Variants in B3GALT1 observed in about 807,000 individuals in gnomAD.
B3GALT1 encodes the protein UDP-Gal:betaGlcNAc beta 1,3-galactosyltransferase, polypeptide 1.
In B3GALT1, 10 loss-of-function variants were observed where a neutral mutation model predicts 23.2. That is an observed-to-expected ratio of 0.43 (90% CI 0.27 to 0.73). B3GALT1 has a LOEUF of 0.73. Among genes scored for constraint, B3GALT1 ranks in the 30% least tolerant of loss-of-function variants. B3GALT1 has a pLI of 0.21. For missense variants in B3GALT1, 299 were observed against 405.4 expected, an observed-to-expected ratio of 0.74 and a Z score of 2.25; for synonymous variants, 156 against 141.5, an observed-to-expected ratio of 1.10 and a Z score of -0.73.
intron 3 of B3GALT1, among the ~76,000 whole-genome samples, chr2:167,707,641 G>C (rs573080392): frequency 2.0e-5 from 3 of 151,920 alleles, no homozygotes; most frequent in African/African-American, 7.2e-5. Context: ...CACTTTGAAG[G>C]CTCCTTGTGA....
Position 167,716,007 on chromosome 2 carries a change from C to T in B3GALT1, c.-352+69041C>T, listed in dbSNP as rs1357023134. On this transcript the variant is annotated intron_variant, in intron 3 of 4. Coordinates refer to ENST00000392690, the MANE Select transcript of B3GALT1 (RefSeq NM_020981.4). ...CTCAGGTAGTGCTGCCACAATTCTG[C>T]GTAGCTCCTCCAGGACCAGCCCCAA... is the stretch of plus-strand genomic sequence containing the variant. 6.2e-6 allele frequency: 10 copies of T among 1,611,288 alleles called. No homozygotes were observed. In the African/African-American group the frequency reaches 6.7e-5, roughly 11 times the overall value.
At chr2:167,809,449 C>T (rs1688831877) in intron 3 of B3GALT1, among the ~76,000 whole-genome samples, 1 of 152,268 alleles carries the variant, frequency 6.6e-6, no homozygotes, top group South Asian at 2.1e-4. Context: ...TGGTGACGTA[C>T]AGATGGGGTT....
At chr2:167,774,485 G>GTTTTGTTTTTTGTTTT (rs1688125273) in intron 3 of B3GALT1, among the ~76,000 whole-genome samples, 2 of 105,220 alleles carry the variant, frequency 1.9e-5, no homozygotes, top group South Asian at 3.2e-4. Context: ...TTTTTTTTTT[G>GTTTTGTTTTTTGTTTT]TTTTTTTTTT....
intron 2 of B3GALT1, among the ~76,000 whole-genome samples, chr2:167,565,673 C>G (rs1053217425): frequency 6.6e-6 from 1 of 152,056 alleles, no homozygotes; most frequent in Admixed American, 6.6e-5. Flanking sequence ...AAAAAACAAC[C>G]CCATCAAAAA....
At chr2:167,676,460 C>T (rs1353321406) in intron 3 of B3GALT1, among the ~76,000 whole-genome samples, 2 of 151,138 alleles carry the variant, frequency 1.3e-5, no homozygotes, top group South Asian at 4.2e-4. Flanking sequence ...CAACTCTTCC[C>T]ATCTAACCTT....
intron 3 of B3GALT1, among the ~76,000 whole-genome samples, chr2:167,654,581 C>T (rs1341004010): frequency 6.6e-6 from 1 of 152,060 alleles, no homozygotes; most frequent in African/African-American, 2.4e-5. Context: ...CTCACTGCAG[C>T]CTTCTGGGCT....
chr2:167,444,303 A>C (rs1171032797), intron 1 of B3GALT1, among the ~76,000 whole-genome samples: 1 of 152,212 alleles, frequency 6.6e-6, no homozygotes, highest in Non-Finnish European at 1.5e-5. Context: ...ATTGATGGTC[A>C]TCAGGGATAT....
At chr2:167,683,187 A>C (rs996934724) in intron 3 of B3GALT1, among the ~76,000 whole-genome samples, 6 of 152,220 alleles carry the variant, frequency 3.9e-5, no homozygotes, top group Non-Finnish European at 8.8e-5. Flanking sequence ...ATTTATGATC[A>C]TTTGTGACAG....
At chr2:167,446,808 C>T (rs576266939) in intron 1 of B3GALT1, among the ~76,000 whole-genome samples, 8 of 152,232 alleles carry the variant, frequency 5.3e-5, no homozygotes, top group Non-Finnish European at 1.2e-4. Context: ...TGGGTTCGAA[C>T]ATCCTCCTTT....
chr2:167,330,081 T>C (rs1409999105), intron 1 of B3GALT1, among the ~76,000 whole-genome samples: 1 of 152,140 alleles, frequency 6.6e-6, no homozygotes, highest in African/African-American at 2.4e-5. Context: ...TTGGGAAGTT[T>C]TCATCCATTA....
intron 2 of B3GALT1, among the ~76,000 whole-genome samples, chr2:167,520,329 A>C (rs1433886352): frequency 1.3e-5 from 2 of 152,092 alleles, no homozygotes; most frequent in Non-Finnish European, 2.9e-5. Flanking sequence ...AGATTAGGAA[A>C]CAAAAAGAAT....
chr2:167,375,542 A>G (rs1242524298), intron 1 of B3GALT1, among the ~76,000 whole-genome samples: 1 of 152,036 alleles, frequency 6.6e-6, no homozygotes, highest in Non-Finnish European at 1.5e-5. Context: ...TTCTCCTTGT[A>G]GAGATCTATC....
intron 3 of B3GALT1, among the ~76,000 whole-genome samples, chr2:167,800,209 C>T (rs1688615433): frequency 1.3e-5 from 2 of 152,254 alleles, no homozygotes; most frequent in Non-Finnish European, 2.9e-5. Flanking sequence ...ATTTCGTGGA[C>T]ATAAAATCAT....
At chr2:167,741,304 C>CA (rs1476059716) in intron 3 of B3GALT1, among the ~76,000 whole-genome samples, 1 of 152,154 alleles carries the variant, frequency 6.6e-6, no homozygotes, top group Non-Finnish European at 1.5e-5. Flanking sequence ...GGTTACTTAT[C>CA]ACTGAGCACA....
intron 1 of B3GALT1, among the ~76,000 whole-genome samples, chr2:167,363,146 C>T (rs989520763): frequency 5.9e-5 from 9 of 151,796 alleles, no homozygotes; most frequent in South Asian, 2.1e-4. Context: ...TAAGCCACCA[C>T]GCCCGGCCTA....
chr2:167,824,953 A>C (rs960520153), intron 4 of B3GALT1, among the ~76,000 whole-genome samples: 1 of 152,064 alleles, frequency 6.6e-6, no homozygotes, highest in African/African-American at 2.4e-5. Context: ...TAAACTTAAG[A>C]GTTATTCACA....
rs12619545 is a variant in B3GALT1 at position 167,337,973 on chromosome 2, C to T, written c.-511+44639C>T. Among the ~76,000 whole-genome samples, 254 of 152,226 alleles carry T rather than the reference C, an allele frequency of 1.7e-3. 11 individuals are homozygous for T. In the East Asian group the frequency reaches 0.046, roughly 28 times the overall value. On this transcript the variant is annotated intron_variant, in intron 1 of 4. Transcript: ENST00000392690. ...CCTTCCCTTCACTGACACATGGGAA[C>T]AGCTCTGAAAACCAAGTGGTGAATG...
At chr2:167,800,204 G>A (rs67700417) in intron 3 of B3GALT1, among the ~76,000 whole-genome samples, 14,146 of 152,044 alleles carry the variant, frequency 0.093, 1,421 homozygotes, top group East Asian at 0.3. Context: ...ATTTTATTTC[G>A]TGGACATAAA....
chr2:167,805,988 T>A (rs930901090), intron 3 of B3GALT1, among the ~76,000 whole-genome samples: 1 of 152,078 alleles, frequency 6.6e-6, no homozygotes, highest in African/African-American at 2.4e-5. Context: ...TTTGTTTGTA[T>A]CCTCTTTTAT....
Sources: gnomAD v4.1 joint callset for allele counts (sites outside exome capture counted in the v4.1 genomes callset) on GRCh38, gnomAD v4.1.1 for gene constraint, MANE v1.5 for transcripts, NCBI Gene and HGNC (gene_info 2026-07-23, HGNC 2026-07-21) for gene names.